Variants in ADAP1 observed in about 807,000 individuals in gnomAD.
The protein encoded by ADAP1 is ArfGAP with dual PH domains 1, also known as arf-GAP with dual PH domain-containing protein 1.
ADAP1 carries 31 observed loss-of-function variants against 54.9 expected under a neutral mutation model. The ratio of observed to expected loss-of-function variants is 0.56; its 90% CI spans 0.42 to 0.76. The LOEUF is 0.76. Among genes scored for constraint, ADAP1 ranks in the 30% least tolerant of loss-of-function variants. The pLI, the probability that ADAP1 is intolerant of heterozygous loss-of-function variation, is 0.00. For synonymous variants in ADAP1, 313 were observed against 202.6 expected, an observed-to-expected ratio of 1.55 and a Z score of -4.63; for missense variants, 535 against 512.4, an observed-to-expected ratio of 1.04 and a Z score of -0.42.
chr7:906,560 GGGAAA>G (rs1385837078), intron 4 of ADAP1, among the ~76,000 whole-genome samples: 2 of 41,512 alleles, frequency 4.8e-5, no homozygotes, highest in Non-Finnish European at 5.0e-5. Flanking sequence ...AAGGGAGAAA[GGGAAA>G]GGAGAAAGGG....
intron 1 of ADAP1, among the ~76,000 whole-genome samples, chr7:950,856 CAAAAAAAAAAA>C (rs34720533): frequency 1.2e-5 from 1 of 84,978 alleles, no homozygotes; most frequent in African/African-American, 4.8e-5. Context: ...GACTCCGTCT[CAAAAAAAAAAA>C]AAAAAAAAAA....
intron 3 of ADAP1, among the ~76,000 whole-genome samples, chr7:925,719 G>A (rs916006870): frequency 8.5e-5 from 13 of 152,292 alleles, no homozygotes; most frequent in African/African-American, 4.8e-5. Flanking sequence ...TGGGCTGGGA[G>A]GCCAGGCGCC....
chr7:918,634 T>A (rs571165821), intron 4 of ADAP1, among the ~76,000 whole-genome samples: 1 of 152,144 alleles, frequency 6.6e-6, no homozygotes, highest in Admixed American at 6.5e-5. Flanking sequence ...GCACCAAACA[T>A]CCCCATCCAG....
chr7:901,352 G>T, intron 6 of ADAP1: 1 of 230,570 alleles, frequency 4.3e-6, no homozygotes, highest in Non-Finnish European at 8.8e-6. Flanking sequence ...TCAGCCTACA[G>T]CCTGGAGCTG....
intron 1 of ADAP1, among the ~76,000 whole-genome samples, chr7:947,066 G>A (rs1847158808): frequency 6.6e-6 from 1 of 152,008 alleles, no homozygotes; most frequent in Admixed American, 6.6e-5. Context: ...TTTTTTGAGA[G>A]AGGGTCTCTG....
At chr7:935,671 T>TCCCCCCCCCCCCCC (rs3215362) in intron 1 of ADAP1, among the ~76,000 whole-genome samples, 166 bp from the exon 2 acceptor site, 1 of 146,396 alleles carries the variant, frequency 6.8e-6, no homozygotes. Context: ...TAACCCCAGC[T>TCCCCCCCCCCCCCC]CCCCCCCCGC....
In ADAP1 at chr7:905,290, G is replaced by T. The variant is rs549452927; in HGVS notation, c.389-118C>A. On this transcript the variant is annotated intron_variant, in intron 4 of 10. Coordinates refer to ENST00000265846, the MANE Select transcript of ADAP1 (RefSeq NM_006869.4). ...GAAGACACGGGGGACACGGACGGGG[G>T]ACACGGACAGGGGGAGACGGACGGG... 2.4e-5 allele frequency: 8 copies of T among 332,906 alleles called. 1 individual carries two copies. Among genetic ancestry groups the T allele is most frequent in the African/African-American group, 1.0e-4 (2 of 19,558 alleles). 20.6% of individuals were successfully genotyped at this position (332,906 alleles called of 1,614,324 possible). A position where few individuals can be genotyped will look rare whatever the true frequency, so the allele number is the denominator to read the frequency against.
rs1010695520 is a variant in ADAP1, at chr7:946,376, G to T, written c.82+8020C>A. Among the ~76,000 whole-genome samples the T allele has an allele frequency of 6.6e-5, 10 of 152,100 alleles. No homozygotes were observed. Among genetic ancestry groups the T allele is most frequent in the African/African-American group, 1.4e-4 (6 of 41,412 alleles). Reference sequence around the variant, plus strand: ...CCCCCTCACGCTCACGGGCGGCCCTGGTCCCATTCCATTGTGAGGATGGGG... The same window carrying T: ...CCCCCTCACGCTCACGGGCGGCCCTTGTCCCATTCCATTGTGAGGATGGGG... On this transcript the variant is annotated intron_variant, in intron 1 of 10. Coordinates refer to ENST00000265846, the MANE Select transcript of ADAP1 (RefSeq NM_006869.4). The surrounding 1 kb of genome is among the most constrained non-coding windows in gnomAD (Gnocchi z 4.3).
intron 2 of ADAP1, among the ~76,000 whole-genome samples, chr7:933,525 G>A (rs1239393017): frequency 3.0e-5 from 4 of 132,718 alleles, no homozygotes; most frequent in Non-Finnish European, 6.4e-5. Context: ...GCCGGGGGCC[G>A]GGGGCCGGGG....
intron 6 of ADAP1, among the ~76,000 whole-genome samples, chr7:903,285 C>A (rs1562908356): frequency 6.6e-6 from 1 of 152,128 alleles, no homozygotes; most frequent in Non-Finnish European, 1.5e-5. Context: ...CGGAGCACGG[C>A]AGGCAGGGGA....
chr7:932,054 C>T (rs1370337366), intron 2 of ADAP1, among the ~76,000 whole-genome samples: 4 of 152,222 alleles, frequency 2.6e-5, no homozygotes, highest in African/African-American at 4.8e-5. Flanking sequence ...GCCTGGGGGC[C>T]GGGGTGCAGG....
At chr7:921,025 G>C in intron 3 of ADAP1, 3 of 634,066 alleles carry the variant, frequency 4.7e-6, no homozygotes, top group Non-Finnish European at 8.2e-6. Context: ...CCTGGCCCCA[G>C]GTGTGTGTGT....
At chr7:917,742 ATTCTTGGGG>A (rs1165430055) in intron 4 of ADAP1, among the ~76,000 whole-genome samples, 2 of 151,884 alleles carry the variant, frequency 1.3e-5, no homozygotes, top group Non-Finnish European at 2.9e-5. Context: ...TGCTTCTTTT[ATTCTTGGGG>A]TGAGATTCAC....
chr7:900,647 T>A (rs774308666), intron 6 of ADAP1, 31 bp from the exon 7 acceptor site: 5 of 1,492,830 alleles, frequency 3.3e-6, no homozygotes, highest in African/African-American at 1.9e-5. Context: ...AGGCTTGGGC[T>A]GAGGAGGCTG....
intron 3 of ADAP1, among the ~76,000 whole-genome samples, chr7:921,336 T>G (rs1846184787): frequency 6.6e-6 from 1 of 152,204 alleles, no homozygotes; most frequent in Admixed American, 6.5e-5. Context: ...TTTTCTTTCT[T>G]TTAGAGACAG....
At chr7:910,076 C>T (rs1845659899) in intron 4 of ADAP1, among the ~76,000 whole-genome samples, 2 of 152,220 alleles carry the variant, frequency 1.3e-5, no homozygotes, top group Non-Finnish European at 2.9e-5. Flanking sequence ...TGTGCACACA[C>T]AGGCGCCCGA....
In ADAP1 at chr7:898,474, G is replaced by A. The variant is rs551006980; in HGVS notation, c.*447C>T. On this transcript the variant is annotated 3_prime_UTR_variant, in exon 11 of 11. Transcript: ENST00000265846. ...GCGCTCAATAAATAGTCGTGGAGGTGGGGGGAGGGCGGGGCGGCATGCGAG... is the reference window on the plus strand; with the variant it reads ...GCGCTCAATAAATAGTCGTGGAGGTAGGGGGAGGGCGGGGCGGCATGCGAG... 7 of 249,216 alleles carry A rather than the reference G, an allele frequency of 2.8e-5. No individual in the cohort carries two copies. The highest frequency in any genetic ancestry group is 4.8e-5 in the Non-Finnish European group (6 of 125,332). 15.4% of individuals were successfully genotyped at this position (249,216 alleles called of 1,614,324 possible).
rs1847156961 is a variant in ADAP1, at chr7:946,970, T to A, written c.82+7426A>T. Among the ~76,000 whole-genome samples the A allele has an allele frequency of 3.9e-5, 6 of 152,186 alleles. No individual in the cohort carries two copies. ...AACATAGTGAGACACCGCGACTCCA[T>A]CCTTATGAAAAAATTTTCTATAAAA... On this transcript the variant is annotated intron_variant, in intron 1 of 10. Transcript: ENST00000265846. This position sits in a 1 kb window ranked among gnomAD's most constrained non-coding sequence, Gnocchi z 4.3.
In ADAP1 at chr7:898,374, G is replaced by A. The variant is rs776718968; in HGVS notation, c.*547C>T. 13 of 174,146 alleles carry A rather than the reference G, an allele frequency of 7.5e-5. No individual in the cohort carries two copies. Among genetic ancestry groups the A allele is most frequent in the South Asian group, 1.4e-4 (1 of 7,288 alleles). The allele number at this position is 174,146 out of a possible 1,614,324, so 10.8% of individuals were successfully genotyped here. On this transcript the variant is annotated 3_prime_UTR_variant, in exon 11 of 11. Transcript: ENST00000265846. ...GCACAGGCTGTGGCAACTCCAGCCCGGGCAGGGGCCGGGACCTGTGTGGAT... is the reference window on the plus strand; with the variant it reads ...GCACAGGCTGTGGCAACTCCAGCCCAGGCAGGGGCCGGGACCTGTGTGGAT...
Sources: allele counts gnomAD v4.1 joint callset (sites outside exome capture counted in the v4.1 genomes callset), GRCh38; gene constraint gnomAD v4.1.1; non-coding constraint Gnocchi (gnomAD v3.1); transcripts MANE v1.5; gene names NCBI Gene and HGNC (gene_info 2026-07-23, HGNC 2026-07-21).